TBC1D22A: variants seen among roughly 807,000 people sequenced by gnomAD.
TBC1D22A encodes TBC1 domain family member 22A, also known as putative GTPase activator.
Under a neutral mutation model 60.2 loss-of-function variants are expected in TBC1D22A, and 38 were observed. That is an observed-to-expected ratio of 0.63 (90% CI 0.49 to 0.83). The LOEUF is 0.83. Among genes scored for constraint, TBC1D22A ranks in the 40% least tolerant of loss-of-function variants. The pLI, the probability that TBC1D22A is intolerant of heterozygous loss-of-function variation, is 0.00. For synonymous variants in TBC1D22A, 302 were observed against 281.7 expected (o/e 1.07, Z -0.72); for missense variants, 628 against 701.0 (o/e 0.90, Z 1.18).
intron 10 of TBC1D22A, among the ~76,000 whole-genome samples, chr22:47,018,017 T>TA (rs1237639989): frequency 1.3e-5 from 2 of 152,174 alleles, no homozygotes; most frequent in Non-Finnish European, 2.9e-5. Context: ...GGAGCAGAAG[T>TA]AGTTTGTAAT....
At chr22:47,127,701 T>G (rs1276533738) in intron 12 of TBC1D22A, among the ~76,000 whole-genome samples, 1 of 152,046 alleles carries the variant, frequency 6.6e-6, no homozygotes, top group Non-Finnish European at 1.5e-5. Flanking sequence ...ACTGAGAGAA[T>G]GTGAGTGGCA....
At chr22:47,162,452 T>C (rs1440169542) in intron 12 of TBC1D22A, among the ~76,000 whole-genome samples, 2 of 152,308 alleles carry the variant, frequency 1.3e-5, no homozygotes, top group East Asian at 1.9e-4. Flanking sequence ...CCAGTACCCT[T>C]GACCGAGCCT....
chr22:47,148,489 T>G (rs1033390254), intron 12 of TBC1D22A, among the ~76,000 whole-genome samples: 5 of 151,968 alleles, frequency 3.3e-5, no homozygotes, highest in Non-Finnish European at 7.4e-5. Context: ...CGGAATCGCT[T>G]GAGACCCTGG....
intron 12 of TBC1D22A, among the ~76,000 whole-genome samples, chr22:47,159,540 G>A (rs988182867): frequency 1.3e-5 from 2 of 148,348 alleles, no homozygotes; most frequent in South Asian, 2.2e-4. Context: ...GCACACACAC[G>A]ATGTATACTC....
intron 9 of TBC1D22A, among the ~76,000 whole-genome samples, chr22:46,983,833 T>C (rs2074609372): frequency 6.6e-6 from 1 of 152,130 alleles, no homozygotes; most frequent in Non-Finnish European, 1.5e-5. Context: ...TTAATGCTAT[T>C]TGGTATTAGT....
chr22:47,048,474 G>C (rs1168779705), intron 11 of TBC1D22A, among the ~76,000 whole-genome samples: 1 of 152,126 alleles, frequency 6.6e-6, no homozygotes, highest in African/African-American at 2.4e-5. Context: ...GGTTACAGAG[G>C]CCTCCTTGGC....
chr22:46,935,297 G>C (rs1569239869), intron 8 of TBC1D22A, among the ~76,000 whole-genome samples: 1 of 152,190 alleles, frequency 6.6e-6, no homozygotes, highest in African/African-American at 2.4e-5. Flanking sequence ...AGAAACTTTG[G>C]TTGAACATTC....
At chr22:47,074,952 G>A (rs564261621) in intron 11 of TBC1D22A, among the ~76,000 whole-genome samples, 5 of 152,326 alleles carry the variant, frequency 3.3e-5, no homozygotes, top group East Asian at 3.9e-4. Context: ...GGCCAGGTGC[G>A]GTGGCTCACG....
At chr22:46,787,476 C>A (rs898119958) in intron 1 of TBC1D22A, among the ~76,000 whole-genome samples, 1 of 152,256 alleles carries the variant, frequency 6.6e-6, no homozygotes, top group South Asian at 2.1e-4. Context: ...TTCCATGTAA[C>A]ATTTCTTTTG....
At chr22:46,837,836 G>T (rs2086587041) in intron 4 of TBC1D22A, among the ~76,000 whole-genome samples, 1 of 152,256 alleles carries the variant, frequency 6.6e-6, no homozygotes, top group East Asian at 1.9e-4. Context: ...GGTCGAGGCA[G>T]TGGATCACGA....
chr22:46,835,332 A>G (rs756723937), intron 4 of TBC1D22A, among the ~76,000 whole-genome samples: 1 of 152,240 alleles, frequency 6.6e-6, no homozygotes, highest in Non-Finnish European at 1.5e-5. Context: ...AATTGAGAAA[A>G]CAGACAACTC....
Position 47,009,322 on chromosome 22 carries a change from A to G in TBC1D22A, c.1201+11613A>G, listed in dbSNP as rs1003669807. On this transcript the variant is annotated intron_variant, in intron 10 of 12. Transcript: ENST00000337137. This position sits in a 1 kb window ranked among gnomAD's most constrained non-coding sequence, Gnocchi z 5.8. ...ACACCATCATCACCACCATCATGTC[A>G]TCATCACCATCATTATGTCATCACC... Among the ~76,000 whole-genome samples, 2 of 151,652 alleles carry G rather than the reference A, an allele frequency of 1.3e-5. No individual in the cohort carries two copies. The highest frequency in any genetic ancestry group is 1.5e-5 in the Non-Finnish European group (1 of 67,934).
chr22:46,976,055 C>T (rs1032717207), intron 9 of TBC1D22A, among the ~76,000 whole-genome samples: 1 of 152,110 alleles, frequency 6.6e-6, no homozygotes. Flanking sequence ...CGGCTTTTTG[C>T]CCCCTTAGAA....
At chr22:47,010,861 C>A (rs1266997461) in intron 10 of TBC1D22A, among the ~76,000 whole-genome samples, 2 of 152,112 alleles carry the variant, frequency 1.3e-5, no homozygotes, top group Admixed American at 1.3e-4. Context: ...ATAGAAGTTT[C>A]ATGTAAACCC....
chr22:46,966,565 A>C (rs1042911532), intron 8 of TBC1D22A, among the ~76,000 whole-genome samples: 22 of 152,242 alleles, frequency 1.4e-4, no homozygotes, highest in African/African-American at 4.6e-4. Context: ...GCATTATTGA[A>C]ACATTAAAGA....
At chr22:46,885,294 C>T (rs2068055730) in intron 5 of TBC1D22A, among the ~76,000 whole-genome samples, 1 of 152,126 alleles carries the variant, frequency 6.6e-6, no homozygotes, top group Non-Finnish European at 1.5e-5. Flanking sequence ...CAGTGTGGGA[C>T]CTCAGGTTAG....
At chr22:46,910,549 A>C (rs968730805) in intron 7 of TBC1D22A, among the ~76,000 whole-genome samples, 3 of 152,062 alleles carry the variant, frequency 2.0e-5, no homozygotes, top group African/African-American at 7.2e-5. Flanking sequence ...GTTTGTATGG[A>C]CAGGCCTGGA....
intron 1 of TBC1D22A, among the ~76,000 whole-genome samples, chr22:46,765,040 C>A (rs1169983692): frequency 6.6e-6 from 1 of 152,232 alleles, no homozygotes; most frequent in Admixed American, 6.5e-5. Context: ...CACCAGCTTT[C>A]CTTTTCCTCT....
At chr22:46,965,045 A>G (rs185681040) in intron 8 of TBC1D22A, among the ~76,000 whole-genome samples, 12 of 152,330 alleles carry the variant, frequency 7.9e-5, no homozygotes, top group Non-Finnish European at 2.9e-5. Context: ...TGATGAGGAA[A>G]GGGACTTAGG....
Sources: gnomAD v4.1 joint callset for allele counts (sites outside exome capture counted in the v4.1 genomes callset) on GRCh38, gnomAD v4.1.1 for gene constraint, Gnocchi (gnomAD v3.1) non-coding constraint, MANE v1.5 for transcripts, NCBI Gene and HGNC (gene_info 2026-07-23, HGNC 2026-07-21) for gene names.